MTREX: variants seen among roughly 807,000 people sequenced by gnomAD.
The protein encoded by MTREX is exosome RNA helicase MTR4.
MTREX carries 76 observed loss-of-function variants against 135.4 expected under a neutral mutation model. That is an observed-to-expected ratio of 0.56 (90% CI 0.47 to 0.68). The LOEUF (loss-of-function observed/expected upper bound fraction) is 0.68. Among genes scored for constraint, MTREX ranks in the 30% least tolerant of loss-of-function variants. The probability of loss-of-function intolerance (pLI) is 0.00; values close to 1 mark genes in which losing one functional copy is unlikely to be tolerated. For missense variants in MTREX, 920 were observed against 1,262.1 expected, an observed-to-expected ratio of 0.73 and a Z score of 4.11; for synonymous variants, 404 against 401.6, an observed-to-expected ratio of 1.01 and a Z score of -0.07.
chr5:55,396,376 C>T (rs1436742947), intron 19 of MTREX, among the ~76,000 whole-genome samples: 1 of 152,100 alleles, frequency 6.6e-6, no homozygotes, highest in Non-Finnish European at 1.5e-5. Flanking sequence ...GATCTTACAA[C>T]ATTATAGCTT....
intron 16 of MTREX, among the ~76,000 whole-genome samples, chr5:55,367,990 C>G (rs533562213): frequency 6.6e-6 from 1 of 152,038 alleles, no homozygotes; most frequent in Non-Finnish European, 1.5e-5. Context: ...TTTTGTTTCA[C>G]GAATAAGTTT....
At position 55,344,551 on chromosome 5, in the gene MTREX, G is replaced by A. The variant is rs1210881559; in HGVS notation, c.936G>A (p.Arg312=). 6 of 1,610,964 alleles carry A rather than the reference G, an allele frequency of 3.7e-6. No individual in the cohort carries two copies. The highest frequency in any genetic ancestry group is 4.2e-6 in the Non-Finnish European group (5 of 1,177,890). The change falls in exon 9 of 27, where the codon CGG becomes CGA. Residue 312 remains arginine (R), a synonymous_variant. Coordinates refer to ENST00000230640, the MANE Select transcript of MTREX (RefSeq NM_015360.5). ...QPCHVIYTDY[R]PTPLQHYIFP... is the part of the protein sequence containing the mutation. ...GTCATGTTATTTACACAGATTATCG[G>A]CCCACTCCATTGCAACACTACATTT... is the stretch of plus-strand genomic sequence containing the variant.
chr5:55,422,759 T>C, intron 25 of MTREX, 119 bp from the exon 26 acceptor site: 1 of 701,568 alleles, frequency 1.4e-6, no homozygotes, highest in Non-Finnish European at 2.4e-6. Context: ...ATTTACTTCA[T>C]GGGAAGTCCC....
chr5:55,361,414 A>G lies in MTREX; in HGVS notation c.1659+2716A>G, dbSNP rs181108213. On this transcript the variant is annotated intron_variant, in intron 15 of 26. Coordinates refer to ENST00000230640, the MANE Select transcript of MTREX (RefSeq NM_015360.5). ...TGTTTGTTGCTGGTTGGAGCTTTCAAAATCTCAGTACATTCATACACACAC... is the reference window on the plus strand; with the variant it reads ...TGTTTGTTGCTGGTTGGAGCTTTCAGAATCTCAGTACATTCATACACACAC... Among the ~76,000 whole-genome samples, 90 of 152,338 alleles carry G rather than the reference A, an allele frequency of 5.9e-4. 1 individual carries two copies. Among genetic ancestry groups the G allele is most frequent in the African/African-American group, 2.0e-3 (82 of 41,572 alleles).
intron 24 of MTREX, among the ~76,000 whole-genome samples, chr5:55,414,801 C>T (rs866796778): frequency 2.6e-5 from 4 of 152,060 alleles, no homozygotes; most frequent in Non-Finnish European, 2.9e-5. Context: ...AGGCACCCGC[C>T]ACCACACTCA....
At chr5:55,393,173 A>T (rs1239361701) in intron 19 of MTREX, among the ~76,000 whole-genome samples, 1 of 152,244 alleles carries the variant, frequency 6.6e-6, no homozygotes, top group Non-Finnish European at 1.5e-5. Context: ...TAAATTTGCC[A>T]CAAAGCTTGT....
At chr5:55,381,670 G>T (rs1750397984) in intron 18 of MTREX, among the ~76,000 whole-genome samples, 1 of 152,162 alleles carries the variant, frequency 6.6e-6, no homozygotes, top group African/African-American at 2.4e-5. Context: ...GCCTGACATG[G>T]TCTGTCCTGC....
At chr5:55,337,926 A>AATAC (rs1749580681) in intron 5 of MTREX, among the ~76,000 whole-genome samples, 2 of 152,022 alleles carry the variant, frequency 1.3e-5, no homozygotes, top group South Asian at 4.1e-4. Context: ...TGGGGCTTAC[A>AATAC]GTATGCATGT....
chr5:55,350,859 A>T, intron 12 of MTREX, 60 bp from the exon 13 acceptor site: 1 of 1,319,750 alleles, frequency 7.6e-7, no homozygotes, highest in African/African-American at 1.5e-5. Flanking sequence ...AATTTAGTTT[A>T]ACATTTTAAA....
intron 19 of MTREX, among the ~76,000 whole-genome samples, chr5:55,389,702 G>A (rs1750535179): frequency 6.6e-6 from 1 of 152,130 alleles, no homozygotes; most frequent in Non-Finnish European, 1.5e-5. Context: ...GAAGCCATAT[G>A]TACAGAGCAT....
At chr5:55,316,997 G>A (rs1344812722) in intron 1 of MTREX, among the ~76,000 whole-genome samples, 3 of 152,062 alleles carry the variant, frequency 2.0e-5, no homozygotes, top group Non-Finnish European at 2.9e-5. Context: ...CAGACTGAGA[G>A]CCAGATAAGA....
At chr5:55,400,556 A>G (rs1446379375) in intron 21 of MTREX, 135 bp downstream of exon 21, 1 of 585,152 alleles carries the variant, frequency 1.7e-6, no homozygotes. Context: ...ATAAACTGTC[A>G]GCTCTGAACC....
At position 55,353,170 on chromosome 5, in the gene MTREX, C is replaced by G. The variant is rs1749854894; in HGVS notation, c.1434C>G (p.Ala478=). ...TATAGAATTACTTATTTACTTAGGC[C>G]TTATTTGCCACGGAGACCTTTGCTA... is the stretch of plus-strand genomic sequence containing the variant. The part of the protein sequence containing the change: ...EILFSEGLIK[A]LFATETFAMG... The change falls in exon 14 of 27, where the codon GCC becomes GCG. Residue 478 remains alanine, a splice_region_variant and synonymous_variant. Coordinates refer to ENST00000230640, the MANE Select transcript of MTREX (RefSeq NM_015360.5). 2 of 1,585,220 alleles carry G rather than the reference C, an allele frequency of 1.3e-6. No homozygotes were observed. The highest frequency in any genetic ancestry group is 1.7e-6 in the Non-Finnish European group (2 of 1,167,252).
chr5:55,367,730 G>T (rs1346920120), intron 16 of MTREX, among the ~76,000 whole-genome samples: 1 of 152,178 alleles, frequency 6.6e-6, no homozygotes, highest in Admixed American at 6.5e-5. Flanking sequence ...TACCTTAGAG[G>T]GTAGTGTGAC....
intron 1 of MTREX, among the ~76,000 whole-genome samples, chr5:55,319,604 A>G (rs1749254543): frequency 6.6e-6 from 1 of 152,236 alleles, no homozygotes; most frequent in African/African-American, 2.4e-5. Context: ...AAGAAGAATA[A>G]CATTCTCAGA....
intron 2 of MTREX, among the ~76,000 whole-genome samples, chr5:55,322,728 C>T (rs1437149595): frequency 1.3e-5 from 2 of 151,974 alleles, no homozygotes; most frequent in East Asian, 3.8e-4. Flanking sequence ...AAAAAAAATA[C>T]GTTTTCTTTA....
At chr5:55,318,682 G>C (rs924210673) in intron 1 of MTREX, among the ~76,000 whole-genome samples, 1 of 152,132 alleles carries the variant, frequency 6.6e-6, no homozygotes, top group Non-Finnish European at 1.5e-5. Flanking sequence ...TTAATATCTA[G>C]ATGATGAAAT....
intron 21 of MTREX, among the ~76,000 whole-genome samples, chr5:55,404,290 TA>T (rs1271176209): frequency 6.6e-6 from 1 of 152,232 alleles, no homozygotes; most frequent in African/African-American, 2.4e-5. Context: ...ATGCTTGTCA[TA>T]GTCAGAAAAT....
At chr5:55,342,427 A>G (rs936500859) in intron 7 of MTREX, among the ~76,000 whole-genome samples, 2 of 152,206 alleles carry the variant, frequency 1.3e-5, no homozygotes, top group Non-Finnish European at 2.9e-5. Context: ...ATTTTTATTT[A>G]GTTCAGTAAC....
Sources: gnomAD v4.1 joint callset for allele counts (sites outside exome capture counted in the v4.1 genomes callset) on GRCh38, gnomAD v4.1.1 for gene constraint, MANE v1.5 for transcripts, NCBI Gene and HGNC (gene_info 2026-07-23, HGNC 2026-07-21) for gene names.